The following ATRNL1 variants were observed in gnomAD, a reference collection of about 807,000 sequenced individuals.
ATRNL1 encodes the protein attractin like 1.
A neutral mutation model predicts 182.7 loss-of-function variants in ATRNL1; 95 were observed. The ratio of observed to expected loss-of-function variants is 0.52; its 90% CI spans 0.44 to 0.62. The LOEUF is 0.62. Ranked by LOEUF, ATRNL1 falls within the 20% of genes least tolerant of loss-of-function variation. The probability of loss-of-function intolerance (pLI) is 0.00; values close to 1 mark genes in which losing one functional copy is unlikely to be tolerated. For missense variants in ATRNL1, 1,471 were observed against 1,679.5 expected (o/e 0.88, Z 2.17); for synonymous variants, 576 against 568.3 (o/e 1.01, Z -0.19).
intron 19 of ATRNL1, among the ~76,000 whole-genome samples, chr10:115,363,579 A>G (rs1403035579): frequency 6.7e-6 from 1 of 149,272 alleles, no homozygotes; most frequent in African/African-American, 2.4e-5. Context: ...TGTTTTGGAC[A>G]TGAAGTCCTT....
rs1555079678 is a variant in ATRNL1 at position 115,783,236 on chromosome 10, ACACAC to A, written c.3903+55882_3903+55886del. ...TTTGTCTATATGATGCCACACACAC[ACACAC>A]ACACACACACACACATTTAAGTGTG... On this transcript the variant is annotated intron_variant, in intron 27 of 28. Transcript: ENST00000355044. 3.9e-5 allele frequency among the ~76,000 whole-genome samples: 6 copies of A among 151,920 alleles called. No individual in the cohort carries two copies. In the East Asian group the frequency reaches 9.7e-4, roughly 25 times the overall value.
At chr10:115,741,874 A>G (rs1948149410) in intron 27 of ATRNL1, among the ~76,000 whole-genome samples, 1 of 152,184 alleles carries the variant, frequency 6.6e-6, no homozygotes, top group Non-Finnish European at 1.5e-5. Context: ...CTACAAAGAA[A>G]CAAAGATTCA....
Position 115,270,554 on chromosome 10 carries a change from A to G in ATRNL1, c.2100+2110A>G, listed in dbSNP as rs150033709. Among the ~76,000 whole-genome samples the G allele has an allele frequency of 4.1e-3, 625 of 151,764 alleles. 5 individuals carry two copies. The highest frequency in any genetic ancestry group is 0.015 in the African/African-American group (603 of 41,420). ...GCCGTCTGCAAACTGAAGACCCAGGAAAGTTGATGATGTAAATTCTACTCT... is the reference window on the plus strand; with the variant it reads ...GCCGTCTGCAAACTGAAGACCCAGGGAAGTTGATGATGTAAATTCTACTCT... On this transcript the variant is annotated intron_variant, in intron 13 of 28. Transcript: ENST00000355044.
intron 19 of ATRNL1, among the ~76,000 whole-genome samples, chr10:115,376,525 A>G (rs1242316669): frequency 6.6e-6 from 1 of 151,820 alleles, no homozygotes; most frequent in Non-Finnish European, 1.5e-5. Context: ...CATCCAGTTA[A>G]TTTTTTTAGT....
At chr10:115,386,474 C>T (rs1858355377) in intron 19 of ATRNL1, among the ~76,000 whole-genome samples, 1 of 151,978 alleles carries the variant, frequency 6.6e-6, no homozygotes, top group African/African-American at 2.4e-5. Context: ...CTTACAGACT[C>T]CCCACTGAGT....
At chr10:115,654,463 C>G (rs1175794269) in intron 26 of ATRNL1, among the ~76,000 whole-genome samples, 2 of 152,120 alleles carry the variant, frequency 1.3e-5, no homozygotes, top group African/African-American at 4.8e-5. Flanking sequence ...AGGTGATCCG[C>G]CCGCCTCAGC....
chr10:115,545,801 CTG>C (rs1242869325), intron 25 of ATRNL1, among the ~76,000 whole-genome samples: 1 of 152,138 alleles, frequency 6.6e-6, no homozygotes, highest in African/African-American at 2.4e-5. Flanking sequence ...CTGAAAGAAA[CTG>C]TTGACAGGAT....
At chr10:115,176,579 A>G (rs1317021138) in intron 8 of ATRNL1, among the ~76,000 whole-genome samples, 1 of 152,066 alleles carries the variant, frequency 6.6e-6, no homozygotes, top group Admixed American at 6.6e-5. Flanking sequence ...GTGTGAGATA[A>G]AAGAGAGGAA....
chr10:115,532,172 A>G (rs189964199), intron 25 of ATRNL1, among the ~76,000 whole-genome samples: 1 of 152,222 alleles, frequency 6.6e-6, no homozygotes, highest in African/African-American at 2.4e-5. Flanking sequence ...GAAGAAAGTC[A>G]TTGGTAGCTT....
At chr10:115,943,119 C>CGCTT (rs1953777760) in intron 28 of ATRNL1, among the ~76,000 whole-genome samples, 1 of 152,182 alleles carries the variant, frequency 6.6e-6, no homozygotes, top group Non-Finnish European at 1.5e-5. Context: ...GTACTTAAGA[C>CGCTT]GCTTGTCAGC....
chr10:115,545,485 A>C (rs1413093712), intron 25 of ATRNL1, among the ~76,000 whole-genome samples: 2 of 152,120 alleles, frequency 1.3e-5, no homozygotes, highest in African/African-American at 2.4e-5. Flanking sequence ...CAAACCCTTA[A>C]AGTGTATAAC....
chr10:115,436,815 A>G (rs1565041596), intron 21 of ATRNL1, among the ~76,000 whole-genome samples: 1 of 152,092 alleles, frequency 6.6e-6, no homozygotes, highest in Non-Finnish European at 1.5e-5. Flanking sequence ...CTACTTTGTT[A>G]GACTCCATGG....
chr10:115,387,464 A>G (rs1243454786), intron 19 of ATRNL1, among the ~76,000 whole-genome samples: 1 of 152,224 alleles, frequency 6.6e-6, no homozygotes, highest in Non-Finnish European at 1.5e-5. Flanking sequence ...CTATTGAGGT[A>G]CAATTCAGGT....
intron 28 of ATRNL1, among the ~76,000 whole-genome samples, chr10:115,940,018 C>T (rs1478039468): frequency 6.6e-6 from 1 of 152,134 alleles, no homozygotes; most frequent in African/African-American, 2.4e-5. Flanking sequence ...AAACCAAGAC[C>T]AAGCAAATGA....
chr10:115,256,154 A>T (rs1554906828), intron 10 of ATRNL1, among the ~76,000 whole-genome samples: 1 of 152,168 alleles, frequency 6.6e-6, no homozygotes, highest in Non-Finnish European at 1.5e-5. Flanking sequence ...GGCCTCATAA[A>T]ATGAGTTAGG....
chr10:115,592,117 A>C (rs1296212504), intron 26 of ATRNL1, among the ~76,000 whole-genome samples: 1 of 152,190 alleles, frequency 6.6e-6, no homozygotes, highest in Non-Finnish European at 1.5e-5. Flanking sequence ...GGAGCTAAAC[A>C]TTTGATACAC....
rs1190013288 is a variant in ATRNL1, at chr10:115,582,143, A to T, written c.3795+32607A>T. Among the ~76,000 whole-genome samples the T allele has an allele frequency of 2.0e-5, 3 of 151,870 alleles. No individual in the cohort carries two copies. In the East Asian group the frequency reaches 5.8e-4, roughly 29 times the overall value. ...CCACATTTTCTTAATCCAGTCTATC[A>T]TTGTTGGGCATTTGGGTTGGTTCCA... On this transcript the variant is annotated intron_variant, in intron 26 of 28. Transcript: ENST00000355044.
chr10:115,501,015 G>A (rs2133632304), intron 24 of ATRNL1, among the ~76,000 whole-genome samples: 1 of 136,680 alleles, frequency 7.3e-6, no homozygotes, highest in South Asian at 2.2e-4. Context: ...TGCAACCTCT[G>A]CCTCCTGGAT....
At chr10:115,191,660 A>T (rs1415875609) in intron 8 of ATRNL1, among the ~76,000 whole-genome samples, 1 of 151,986 alleles carries the variant, frequency 6.6e-6, no homozygotes, top group Non-Finnish European at 1.5e-5. Flanking sequence ...GTGAGTTCTC[A>T]TGAGATCTGA....
Sources: allele counts gnomAD v4.1 joint callset (sites outside exome capture counted in the v4.1 genomes callset), GRCh38; gene constraint gnomAD v4.1.1; transcripts MANE v1.5; gene names NCBI Gene and HGNC (gene_info 2026-07-23, HGNC 2026-07-21).